KLHL29: variants seen among roughly 807,000 people sequenced by gnomAD.
The protein encoded by KLHL29 is kelch like family member 29.
Under a neutral mutation model 80.4 loss-of-function variants are expected in KLHL29, and 21 were observed. The observed-to-expected ratio is 0.26, with a 90% CI of 0.19 to 0.38. The LOEUF (loss-of-function observed/expected upper bound fraction) is 0.38, where lower values mean the gene tolerates loss of function less well. Ranked by LOEUF, KLHL29 falls within the 10% of genes least tolerant of loss-of-function variation. KLHL29 has a pLI of 1.00. For synonymous variants in KLHL29, 511 were observed against 526.8 expected (o/e 0.97, Z 0.41); for missense variants, 867 against 1,223.9 (o/e 0.71, Z 4.35).
chr2:23,389,230 T>G (rs1666260580), intron 1 of KLHL29, among the ~76,000 whole-genome samples: 1 of 152,196 alleles, frequency 6.6e-6, no homozygotes, highest in Non-Finnish European at 1.5e-5. Context: ...GTAAGTCCAC[T>G]GAACAGGCAG....
At chr2:23,564,202 C>T (rs537604724) in intron 3 of KLHL29, among the ~76,000 whole-genome samples, 8 of 152,110 alleles carry the variant, frequency 5.3e-5, no homozygotes, top group Admixed American at 2.6e-4. Flanking sequence ...TGGAGGGGCT[C>T]GGTGCTGGGG....
chr2:23,563,822 A>G (rs1212499714), intron 3 of KLHL29, among the ~76,000 whole-genome samples: 1 of 152,156 alleles, frequency 6.6e-6, no homozygotes, highest in Non-Finnish European at 1.5e-5. Flanking sequence ...TTTTCCTGTT[A>G]TGAAAACACC....
At chr2:23,638,982 G>T (rs897931535) in intron 3 of KLHL29, among the ~76,000 whole-genome samples, 157 bp from the exon 4 acceptor site, 1 of 152,190 alleles carries the variant, frequency 6.6e-6, no homozygotes, top group African/African-American at 2.4e-5. Flanking sequence ...CCAAAGACTG[G>T]GTGGAGGGCT....
In KLHL29 at chr2:23,562,086, G is replaced by C; in HGVS notation, c.-45-66G>C. ...TTGAACCCAGAGAAGGGGCTTCATG[G>C]ATGCTGTCAGTTGTCGCTGCCTGCT... On this transcript the variant is annotated intron_variant, in intron 2 of 13. Transcript: ENST00000486442. This position sits in a 1 kb window ranked among gnomAD's most constrained non-coding sequence, Gnocchi z 4.5. The C allele has an allele frequency of 1.6e-6, 2 of 1,266,276 alleles. No individual in the cohort carries two copies. The highest frequency in any genetic ancestry group is 2.2e-6 in the Non-Finnish European group (2 of 911,404). The allele number at this position is 1,266,276 out of a possible 1,614,324, so 78.4% of individuals were successfully genotyped here. A position where few individuals can be genotyped will look rare whatever the true frequency, so the allele number is the denominator to read the frequency against.
chr2:23,412,257 G>A (rs528154008), intron 1 of KLHL29, among the ~76,000 whole-genome samples: 1 of 152,120 alleles, frequency 6.6e-6, no homozygotes, highest in South Asian at 2.1e-4. Flanking sequence ...ATCTGCTCAG[G>A]GTGTGTCAAT....
At chr2:23,656,159 G>T (rs144169614) in intron 5 of KLHL29, among the ~76,000 whole-genome samples, 3 of 152,370 alleles carry the variant, frequency 2.0e-5, no homozygotes, top group African/African-American at 7.2e-5. Flanking sequence ...AAGGCAGTGA[G>T]AAGTCAGCGT....
intron 3 of KLHL29, among the ~76,000 whole-genome samples, chr2:23,568,874 C>G (rs1667651143): frequency 6.6e-6 from 1 of 152,224 alleles, no homozygotes; most frequent in South Asian, 2.1e-4. Context: ...GGATTACTCT[C>G]TCATATGGCC....
intron 1 of KLHL29, among the ~76,000 whole-genome samples, chr2:23,395,206 C>T (rs1013647814): frequency 3.9e-5 from 6 of 152,080 alleles, no homozygotes; most frequent in Non-Finnish European, 7.4e-5. Flanking sequence ...AGGAATTTCC[C>T]GAGAAATTCT....
chr2:23,654,695 T>A (rs868487938), intron 5 of KLHL29, among the ~76,000 whole-genome samples: 1 of 34,218 alleles, frequency 2.9e-5, no homozygotes. Flanking sequence ...GGAACAGAGG[T>A]TGGGGGGGGG....
At chr2:23,444,600 A>C (rs1239434470) in intron 1 of KLHL29, among the ~76,000 whole-genome samples, 1 of 152,210 alleles carries the variant, frequency 6.6e-6, no homozygotes, top group Non-Finnish European at 1.5e-5. Flanking sequence ...TGCTGGGATT[A>C]CAGGCGTGAA....
intron 2 of KLHL29, among the ~76,000 whole-genome samples, chr2:23,511,420 C>T (rs933713514): frequency 3.9e-5 from 6 of 152,124 alleles, no homozygotes; most frequent in Non-Finnish European, 5.9e-5. Flanking sequence ...AGGGCGCAGA[C>T]CAAAAAGTGC....
At chr2:23,526,446 G>T (rs145104662) in intron 2 of KLHL29, among the ~76,000 whole-genome samples, 29 of 152,368 alleles carry the variant, frequency 1.9e-4, no homozygotes, top group African/African-American at 7.0e-4. Context: ...GGCTCTGCAG[G>T]GGCCGGGGGA....
rs138124156 is a variant in KLHL29 at position 23,547,501 on chromosome 2, G to T, written c.-45-14651G>T. Among the ~76,000 whole-genome samples the T allele has an allele frequency of 1.0e-3, 158 of 152,104 alleles. 6 individuals carry two copies. In the East Asian group the frequency reaches 0.028, roughly 27 times the overall value. On this transcript the variant is annotated intron_variant, in intron 2 of 13. Coordinates refer to ENST00000486442, the MANE Select transcript of KLHL29 (RefSeq NM_052920.2). ...CCTCAGTTCAATTAAAGTACCTGGG[G>T]ATTAAAAGAGCTGGTGCATGCACAG...
chr2:23,538,364 G>A (rs1245456183), intron 2 of KLHL29, among the ~76,000 whole-genome samples: 3 of 152,192 alleles, frequency 2.0e-5, no homozygotes, highest in Non-Finnish European at 1.5e-5. Context: ...TGCAAAGCTG[G>A]AATTCCTAAT....
chr2:23,560,653 G>A (rs1306533281), intron 2 of KLHL29, among the ~76,000 whole-genome samples: 3 of 152,236 alleles, frequency 2.0e-5, no homozygotes, highest in Admixed American at 6.5e-5. Context: ...ACCACATCCA[G>A]CTGAAGAAGT....
chr2:23,533,470 G>A (rs1444911598), intron 2 of KLHL29, among the ~76,000 whole-genome samples: 1 of 152,182 alleles, frequency 6.6e-6, no homozygotes, highest in Non-Finnish European at 1.5e-5. Context: ...GAAAACGTGA[G>A]CCTCTGCCGG....
rs1670191946 is a variant in KLHL29 at position 23,654,707 on chromosome 2, G to GT, written c.940+11857_940+11858insT. On this transcript the variant is annotated intron_variant, in intron 5 of 13. Coordinates refer to ENST00000486442, the MANE Select transcript of KLHL29 (RefSeq NM_052920.2). ...AAGGGAACAGAGGTTGGGGGGGGGG[G>GT]GTGGATGTTTTGTATGTGCCTACCA... is the stretch of plus-strand genomic sequence containing the variant. Among the ~76,000 whole-genome samples, 2 of 102,126 alleles carry GT rather than the reference G, an allele frequency of 2.0e-5. 1 individual carries two copies. The allele number at this position is 102,126 out of a possible 152,430, so 67.0% of individuals were successfully genotyped here.
intron 1 of KLHL29, among the ~76,000 whole-genome samples, chr2:23,413,115 T>C (rs895921171): frequency 6.6e-6 from 1 of 152,218 alleles, no homozygotes; most frequent in African/African-American, 2.4e-5. Flanking sequence ...TGTAATGAAC[T>C]GATGGCACTG....
chr2:23,705,178 C>T (rs1168321726), intron 13 of KLHL29, among the ~76,000 whole-genome samples: 2 of 152,204 alleles, frequency 1.3e-5, no homozygotes, highest in Non-Finnish European at 2.9e-5. Context: ...AGGATGCTCG[C>T]ACCTTCTCTG....
Sources: gnomAD v4.1 joint callset for allele counts (sites outside exome capture counted in the v4.1 genomes callset) on GRCh38, gnomAD v4.1.1 for gene constraint, Gnocchi (gnomAD v3.1) non-coding constraint, MANE v1.5 for transcripts, NCBI Gene and HGNC (gene_info 2026-07-23, HGNC 2026-07-21) for gene names.